ZC3H18: variants seen among roughly 807,000 people sequenced by gnomAD.
ZC3H18 encodes zinc finger CCCH domain-containing protein 18.
A neutral mutation model predicts 106.1 loss-of-function variants in ZC3H18; 8 were observed. That is an observed-to-expected ratio of 0.08 (90% CI 0.04 to 0.14). ZC3H18 has a LOEUF of 0.14. ZC3H18 is among the 10% of genes least tolerant of loss of function. ZC3H18 has a pLI of 1.00. For missense variants in ZC3H18, 1,318 were observed against 1,278.4 expected (o/e 1.03, Z -0.47); for synonymous variants, 635 against 522.1 (o/e 1.22, Z -2.95).
At position 88,598,290 on chromosome 16, in the gene ZC3H18, T is replaced by G; in HGVS notation, c.801T>G (p.Pro267=). 1 of 1,607,968 alleles carries G rather than the reference T, an allele frequency of 6.2e-7. No individual in the cohort carries two copies. The highest frequency in any genetic ancestry group is 8.5e-7 in the Non-Finnish European group (1 of 1,178,286). ...CCTTCCCGCCTAATGGTGCCCCGCC[T>G]CTCGGACCTCACCCGCTGATGCCCG... ...ADPFPPNGAP[P]LGPHPLMPAN... Residue 267 remains proline, a synonymous_variant, in exon 4 of 18, where the codon CCT becomes CCG. Transcript: ENST00000301011.
chr16:88,630,749 A>ACCCCCCCCCCCCCCCCCCCCCCCCCC (rs1277102238), intron 17 of ZC3H18, among the ~76,000 whole-genome samples, 168 bp downstream of exon 17: 4 of 43,182 alleles, frequency 9.3e-5, no homozygotes, highest in African/African-American at 7.8e-5. Context: ...TTGCAGCCCC[A>ACCCCCCCCCCCCCCCCCCCCCCCCCC]CCCCCCACCC....
chr16:88,622,943 A>G, intron 9 of ZC3H18: 1 of 476,006 alleles, frequency 2.1e-6, no homozygotes. Flanking sequence ...GGGTCTGCCC[A>G]CTCAGGCAGC....
rs1387825331 is a variant in ZC3H18 at position 88,623,251 on chromosome 16, C to T, written c.1700C>T (p.Ser567Phe). ...SSSRSSSYSG[S>F]GSSRSRSRSS... Reference sequence around the variant, plus strand: ...TCGCGGTCATCGTCCTACTCTGGCTCCGGCTCCTCCCGGTCGCGATCCCGG... The same window carrying T: ...TCGCGGTCATCGTCCTACTCTGGCTTCGGCTCCTCCCGGTCGCGATCCCGG... The change falls in exon 10 of 18, where the codon TCC becomes TTC. Residue 567 changes from serine (S) to phenylalanine (F), a missense_variant. Physicochemically the swap from Ser to Phe is radical, Grantham distance 155. Coordinates refer to ENST00000301011, the MANE Select transcript of ZC3H18 (RefSeq NM_144604.4). The T allele has an allele frequency of 6.2e-7, 1 of 1,613,476 alleles. No homozygotes were observed. The highest frequency in any genetic ancestry group is 8.5e-7 in the Non-Finnish European group (1 of 1,179,976).
chr16:88,620,295 A>C (rs540094986), intron 8 of ZC3H18, among the ~76,000 whole-genome samples: 2 of 152,368 alleles, frequency 1.3e-5, no homozygotes, highest in Non-Finnish European at 1.5e-5. Context: ...AGCTTTTTAA[A>C]ATGTGTTTGC....
chr16:88,605,754 G>A (rs1392824343), intron 6 of ZC3H18, among the ~76,000 whole-genome samples: 5 of 152,320 alleles, frequency 3.3e-5, no homozygotes, highest in African/African-American at 7.2e-5. Flanking sequence ...AAGTGATCTC[G>A]AAGCTCCAAA....
At chr16:88,630,422 G>A (rs553126463) in intron 16 of ZC3H18, 63 bp from the exon 17 acceptor site, 2 of 1,381,474 alleles carry the variant, frequency 1.4e-6, no homozygotes, top group African/African-American at 1.4e-5. Context: ...CATCGGTGAG[G>A]CCACCCACAC....
chr16:88,613,394 CTA>C (rs1905382575), intron 8 of ZC3H18, among the ~76,000 whole-genome samples: 3 of 152,156 alleles, frequency 2.0e-5, no homozygotes, highest in Admixed American at 2.0e-4. Flanking sequence ...CATGGTCACT[CTA>C]TGTTTAGCTG....
intron 2 of ZC3H18, among the ~76,000 whole-genome samples, chr16:88,585,773 A>G (rs1053849114): frequency 6.6e-6 from 1 of 152,108 alleles, no homozygotes; most frequent in African/African-American, 2.4e-5. Context: ...GCAGTGGTGC[A>G]GATTGCAGGA....
At chr16:88,604,281 G>A (rs1444721360) in intron 6 of ZC3H18, among the ~76,000 whole-genome samples, 1 of 151,704 alleles carries the variant, frequency 6.6e-6, no homozygotes, top group East Asian at 1.9e-4. Flanking sequence ...GAGCCCGAGA[G>A]GTGGAGGTTG....
intron 2 of ZC3H18, among the ~76,000 whole-genome samples, chr16:88,579,582 AATGGCCCTGGCTGC>A (rs1914984037): frequency 1.3e-5 from 2 of 152,062 alleles, no homozygotes; most frequent in Non-Finnish European, 2.9e-5. Context: ...TGCTCTGGAG[AATGGCCCTGGCTGC>A]CAAGGGCCTG....
intron 8 of ZC3H18, 137 bp downstream of exon 8, chr16:88,611,673 G>T: frequency 7.5e-7 from 1 of 1,340,160 alleles, no homozygotes; most frequent in Admixed American, 2.9e-5. Context: ...CCCACAGCCC[G>T]AGCCCATAGT....
rs867286489 is a variant in ZC3H18, at chr16:88,604,992, C to T, written c.1089-3942C>T. Among the ~76,000 whole-genome samples the T allele has an allele frequency of 2.0e-5, 3 of 152,318 alleles. No homozygotes were observed. The South Asian group carries it at 6.2e-4, about 32-fold the overall frequency. ...GTATTAGAGGCGGAGGTGCAGGCTG[C>T]TGTTCTTTGGAGTAGGATGTCAGGC... On this transcript the variant is annotated intron_variant, in intron 6 of 17. Coordinates refer to ENST00000301011, the MANE Select transcript of ZC3H18 (RefSeq NM_144604.4).
At chr16:88,612,311 G>A (rs1468745685) in intron 8 of ZC3H18, among the ~76,000 whole-genome samples, 1 of 152,024 alleles carries the variant, frequency 6.6e-6, no homozygotes, top group Non-Finnish European at 1.5e-5. Flanking sequence ...TACAATCAGT[G>A]GTTTCTAGAA....
At chr16:88,582,258 T>C (rs1278248186) in intron 2 of ZC3H18, among the ~76,000 whole-genome samples, 1 of 144,240 alleles carries the variant, frequency 6.9e-6, no homozygotes, top group East Asian at 2.1e-4. Flanking sequence ...GGAGTCTTGC[T>C]CTGTTGCCCA....
chr16:88,623,688 G>C (rs1906111942), intron 10 of ZC3H18: 1 of 583,152 alleles, frequency 1.7e-6, no homozygotes, highest in African/African-American at 1.9e-5. Flanking sequence ...CTGCCAAGGA[G>C]CCTGTCTCCT....
intron 13 of ZC3H18, chr16:88,625,551 A>G: frequency 2.2e-6 from 1 of 455,046 alleles, no homozygotes; most frequent in South Asian, 2.3e-5. Flanking sequence ...CTTGATGCCC[A>G]GCACCCTGAG....
chr16:88,614,391 C>T (rs1001168111), intron 8 of ZC3H18, among the ~76,000 whole-genome samples: 1 of 152,242 alleles, frequency 6.6e-6, no homozygotes, highest in Non-Finnish European at 1.5e-5. Context: ...GGACGACACC[C>T]GCTCTTGTGT....
intron 6 of ZC3H18, among the ~76,000 whole-genome samples, chr16:88,608,054 C>T (rs7199858): frequency 0.042 from 6,462 of 152,314 alleles, 186 homozygotes; most frequent in Non-Finnish European, 0.064. Flanking sequence ...TTTTTATCCT[C>T]TGCCTTTCCA....
Position 88,628,805 on chromosome 16 carries a change from CAGGCAG to C in ZC3H18, c.2520_2525del (p.Arg840_Gln841del). The C allele has an allele frequency of 6.2e-7, 1 of 1,614,134 alleles. No homozygotes were observed. The highest frequency in any genetic ancestry group is 8.5e-7 in the Non-Finnish European group (1 of 1,180,002). On this transcript the variant is annotated inframe_deletion, in exon 16 of 18. Transcript: ENST00000301011. Reference sequence around the variant, plus strand: ...AGCGCTATGAACCATCAGACAAGGACAGGCAGAGCCCTCCTCCAGCCAAGCGGCCCA... The same window carrying C: ...AGCGCTATGAACCATCAGACAAGGACAGCCCTCCTCCAGCCAAGCGGCCCA...
Sources: allele counts gnomAD v4.1 joint callset (sites outside exome capture counted in the v4.1 genomes callset), GRCh38; gene constraint gnomAD v4.1.1; transcripts MANE v1.5; gene names NCBI Gene and HGNC (gene_info 2026-07-23, HGNC 2026-07-21).